PCCA: variants seen among roughly 807,000 people sequenced by gnomAD.
PCCA encodes propionyl-CoA carboxylase subunit alpha.
In PCCA, 74 loss-of-function variants were observed where a neutral mutation model predicts 101.3. The observed-to-expected ratio is 0.73, with a 90% CI of 0.61 to 0.89. The LOEUF is 0.89. PCCA is among the 40% of genes least tolerant of loss of function. The pLI is 0.00. For synonymous variants in PCCA, 294 were observed against 313.6 expected, an observed-to-expected ratio of 0.94 and a Z score of 0.66; for missense variants, 891 against 907.0, an observed-to-expected ratio of 0.98 and a Z score of 0.23.
chr13:100,490,961 T>G (rs76524418), intron 21 of PCCA: 3,968 of 152,390 alleles, frequency 0.026, 99 homozygotes, highest in Non-Finnish European at 0.033. Flanking sequence ...CTGCTGAGCT[T>G]GTTTGACCAC....
At chr13:100,354,615 A>G (rs191424029) in intron 18 of PCCA, among the ~76,000 whole-genome samples, 46 of 152,240 alleles carry the variant, frequency 3.0e-4, no homozygotes, top group South Asian at 8.3e-4. Context: ...AGATAGGCTG[A>G]CCAAAAGAAA....
chr13:100,093,793 G>A (rs779478206), intron 1 of PCCA, among the ~76,000 whole-genome samples: 1 of 152,092 alleles, frequency 6.6e-6, no homozygotes, highest in Non-Finnish European at 1.5e-5. Context: ...ATAAAAATTA[G>A]CTGGGTGTGG....
chr13:100,365,152 A>G (rs997159075), intron 18 of PCCA, among the ~76,000 whole-genome samples: 7 of 152,224 alleles, frequency 4.6e-5, no homozygotes, highest in Non-Finnish European at 8.8e-5. Context: ...ATACACTTTT[A>G]CAGGTGTAGA....
At chr13:100,340,134 A>G (rs369291568) in intron 17 of PCCA, 23 bp from the exon 18 acceptor site, 17 of 1,149,818 alleles carry the variant, frequency 1.5e-5, no homozygotes, top group East Asian at 2.3e-5. Flanking sequence ...TGATTGATTG[A>G]TTGGTTGATT....
intron 6 of PCCA, among the ~76,000 whole-genome samples, chr13:100,174,967 G>C (rs1011610912): frequency 6.6e-6 from 1 of 151,840 alleles, no homozygotes; most frequent in African/African-American, 2.4e-5. Context: ...TACTTAAAAA[G>C]TTAATAAATA....
At chr13:100,429,971 A>C (rs1349004714) in intron 20 of PCCA, among the ~76,000 whole-genome samples, 3 of 151,960 alleles carry the variant, frequency 2.0e-5, no homozygotes, top group Admixed American at 1.3e-4. Flanking sequence ...TTTACCCACT[A>C]TCTAGATTAA....
intron 4 of PCCA, among the ~76,000 whole-genome samples, chr13:100,132,673 T>C (rs561378607): frequency 2.6e-5 from 4 of 152,230 alleles, no homozygotes; most frequent in Non-Finnish European, 5.9e-5. Flanking sequence ...GTGGGATTGC[T>C]GGTCATATGG....
chr13:100,211,175 A>G (rs1338467761), intron 7 of PCCA, among the ~76,000 whole-genome samples: 5 of 152,218 alleles, frequency 3.3e-5, no homozygotes, highest in Non-Finnish European at 5.9e-5. Context: ...TGATCTGCGT[A>G]TCATAGTTCT....
chr13:100,511,616 G>A (rs837297), intron 21 of PCCA, among the ~76,000 whole-genome samples: 2,829 of 152,304 alleles, frequency 0.019, 84 homozygotes, highest in African/African-American at 0.062. Flanking sequence ...TCAACTGTAC[G>A]TGTCCTAATT....
intron 16 of PCCA, among the ~76,000 whole-genome samples, chr13:100,323,264 G>C (rs1329973445): frequency 6.6e-6 from 1 of 152,056 alleles, no homozygotes; most frequent in African/African-American, 2.4e-5. Flanking sequence ...TTGTAGGAAA[G>C]TTACACTTTC....
At chr13:100,230,327 T>C (rs2060393245) in intron 7 of PCCA, among the ~76,000 whole-genome samples, 1 of 152,102 alleles carries the variant, frequency 6.6e-6, no homozygotes, top group Non-Finnish European at 1.5e-5. Context: ...GCGGATCACC[T>C]GAGGTCAGGA....
At chr13:100,262,889 A>G (rs1423932817) in intron 10 of PCCA, 58 bp downstream of exon 10, 19 of 765,586 alleles carry the variant, frequency 2.5e-5, no homozygotes, top group South Asian at 6.0e-5. Flanking sequence ...ATTTAATCCT[A>G]TTGGAATTAT....
At chr13:100,105,022 G>A (rs938765247) in intron 2 of PCCA, among the ~76,000 whole-genome samples, 5 of 151,966 alleles carry the variant, frequency 3.3e-5, no homozygotes, top group Middle Eastern at 3.4e-3. Flanking sequence ...TTTTCTAATA[G>A]CCACATTAAA....
intron 4 of PCCA, among the ~76,000 whole-genome samples, chr13:100,126,461 A>AT (rs886123416): frequency 6.6e-6 from 1 of 152,126 alleles, no homozygotes; most frequent in Admixed American, 6.5e-5. Context: ...ACAAATTAAT[A>AT]TTTAACACAT....
chr13:100,258,758 T>A (rs1220635033), intron 9 of PCCA, among the ~76,000 whole-genome samples: 1 of 152,242 alleles, frequency 6.6e-6, no homozygotes, highest in African/African-American at 2.4e-5. Flanking sequence ...ATATTAGGCA[T>A]CATTTTGTAA....
chr13:100,112,159 C>A, intron 4 of PCCA, 98 bp downstream of exon 4: 6 of 804,300 alleles, frequency 7.5e-6, no homozygotes, highest in East Asian at 2.7e-5. Flanking sequence ...GCACAAGATA[C>A]ATTCAAGTTT....
intron 22 of PCCA, among the ~76,000 whole-genome samples, chr13:100,520,495 C>G (rs998104182): frequency 2.6e-5 from 4 of 151,748 alleles, no homozygotes; most frequent in African/African-American, 9.7e-5. Context: ...ATTAGCCGGG[C>G]GCAGTGGCGG....
chr13:100,242,440 T>C (rs2061195983), intron 8 of PCCA, among the ~76,000 whole-genome samples: 1 of 152,176 alleles, frequency 6.6e-6, no homozygotes, highest in South Asian at 2.1e-4. Flanking sequence ...TCTACAATAG[T>C]AGTTGGAGAC....
At chr13:100,474,916 G>A (rs1339775970) in intron 21 of PCCA, among the ~76,000 whole-genome samples, 1 of 152,160 alleles carries the variant, frequency 6.6e-6, no homozygotes, top group Non-Finnish European at 1.5e-5. Flanking sequence ...TTAAAATGTA[G>A]GATCCAGTGG....
Sources: allele counts gnomAD v4.1 joint callset (sites outside exome capture counted in the v4.1 genomes callset), GRCh38; gene constraint gnomAD v4.1.1; transcripts MANE v1.5; gene names NCBI Gene and HGNC (gene_info 2026-07-23, HGNC 2026-07-21).